Variants in RCOR2 observed in about 807,000 individuals in gnomAD.
The protein encoded by RCOR2 is REST corepressor 2.
A neutral mutation model predicts 58.9 loss-of-function variants in RCOR2; 19 were observed. That is an observed-to-expected ratio of 0.32 (90% confidence interval 0.23 to 0.47). The LOEUF (loss-of-function observed/expected upper bound fraction) is 0.47. Ranked by LOEUF, RCOR2 falls within the 20% of genes least tolerant of loss-of-function variation. The probability of loss-of-function intolerance (pLI) is 1.00; values close to 1 mark genes in which losing one functional copy is unlikely to be tolerated. For synonymous variants in RCOR2, 286 were observed against 278.7 expected, an observed-to-expected ratio of 1.03 and a Z score of -0.26; for missense variants, 590 against 707.9, an observed-to-expected ratio of 0.83 and a Z score of 1.89.
Position 63,916,976 on chromosome 11 carries a change from G to GCGGCGGCGGCGGCGA in RCOR2, c.-521_-520insTCGCCGCCGCCGCCG, listed in dbSNP as rs1565162361. Reference sequence around the variant, plus strand: ...GCAGCCGGCCGGGGCACCGGCGGCGGCGGCGGCGGCGACGGCGGCGGGACG... The same window carrying GCGGCGGCGGCGGCGA: ...GCAGCCGGCCGGGGCACCGGCGGCGGCGGCGGCGGCGGCGACGGCGGCGGCGACGGCGGCGGGACG... On this transcript the variant is annotated 5_prime_UTR_variant, in exon 1 of 12. Coordinates refer to ENST00000301459, the MANE Select transcript of RCOR2 (RefSeq NM_173587.4). 1 of 147,800 alleles carries GCGGCGGCGGCGGCGA rather than the reference G, an allele frequency of 6.8e-6. No individual in the cohort carries two copies. Among genetic ancestry groups the GCGGCGGCGGCGGCGA allele is most frequent in the African/African-American group, 2.4e-5 (1 of 40,922 alleles). 9.2% of individuals were successfully genotyped at this position (147,800 alleles called of 1,614,324 possible).
At position 63,916,475 on chromosome 11, in the gene RCOR2, C is replaced by CG. The variant is rs772951883; in HGVS notation, c.-20dup. On this transcript the variant is annotated 5_prime_UTR_variant, in exon 1 of 12. Coordinates refer to ENST00000301459, the MANE Select transcript of RCOR2 (RefSeq NM_173587.4). ...AGGGCATTACCCCGCCCAGCTGCCC[C>CG]GGGGGGCGCAGGAGCCTTCGGAGAG... The CG allele has an allele frequency of 3.7e-6, 6 of 1,600,790 alleles. No individual in the cohort carries two copies. The highest frequency in any genetic ancestry group is 1.1e-5 in the South Asian group (1 of 89,530).
chr11:63,912,021 C>T lies in RCOR2; in HGVS notation c.1416G>A (p.Gln472=), dbSNP rs1412882671. 1.4e-6 allele frequency: 2 copies of T among 1,453,332 alleles called. No homozygotes were observed. The highest frequency in any genetic ancestry group is 1.8e-6 in the Non-Finnish European group (2 of 1,108,238). 90.0% of individuals were successfully genotyped at this position (1,453,332 alleles called of 1,614,324 possible). A position where few individuals can be genotyped will look rare whatever the true frequency, so the allele number is the denominator to read the frequency against. Residue 472 remains glutamine (Q), a synonymous_variant, in exon 12 of 12, where the codon CAG becomes CAA. Transcript: ENST00000301459. Reference sequence around the variant, plus strand: ...CCAGCCGGGGCTGGAGGAAGCGGCCCTGCTGCAGTGGGGGTGGCTGTCGGA... The same window carrying T: ...CCAGCCGGGGCTGGAGGAAGCGGCCTTGCTGCAGTGGGGGTGGCTGTCGGA... ...TLLRQPPPLQ[Q]GRFLQPRLAP...
In RCOR2 at chr11:63,916,645, A is replaced by C; in HGVS notation, c.-189T>G. The C allele has an allele frequency of 1.0e-6, 1 of 969,206 alleles. No homozygotes were observed. Among genetic ancestry groups the C allele is most frequent in the Non-Finnish European group, 1.5e-6 (1 of 684,078 alleles). 60.0% of individuals were successfully genotyped at this position (969,206 alleles called of 1,614,324 possible). The stretch of plus-strand genomic sequence containing the variant: ...CCTGGTAGCCCCAGCGCTCTCCACG[A>C]CCCCCACGAGCCAGGGCGTCAGAAA... On this transcript the variant is annotated 5_prime_UTR_variant, in exon 1 of 12. Coordinates refer to ENST00000301459, the MANE Select transcript of RCOR2 (RefSeq NM_173587.4).
chr11:63,915,960 T>A (rs1362244668), intron 1 of RCOR2, among the ~76,000 whole-genome samples: 1 of 152,140 alleles, frequency 6.6e-6, no homozygotes, highest in African/African-American at 2.4e-5. Context: ...CAAGGCTCCT[T>A]CCCACCACAG....
rs776847724 is a variant in RCOR2 at position 63,914,559 on chromosome 11, A to G, written c.481-18T>C. 1.2e-6 allele frequency: 2 copies of G among 1,613,412 alleles called. No homozygotes were observed. Among genetic ancestry groups the G allele is most frequent in the East Asian group, 2.2e-5 (1 of 44,880 alleles). ...TCAGGCAGCTGGAGGAGGCAACGCC[A>G]GAAGCTGGGGACCACTCAAGACTCT... is the stretch of plus-strand genomic sequence containing the variant. On this transcript the variant is annotated intron_variant, in intron 5 of 11. Transcript: ENST00000301459.
upstream of RCOR2, among the ~76,000 whole-genome samples, chr11:63,918,460 G>T (rs1941891877): frequency 6.6e-6 from 1 of 152,290 alleles, no homozygotes. Flanking sequence ...CCCAGCCAGC[G>T]GCCACGTTGC....
chr11:63,920,292 C>T (rs939893796), upstream of RCOR2, among the ~76,000 whole-genome samples: 2 of 152,230 alleles, frequency 1.3e-5, no homozygotes, highest in African/African-American at 4.8e-5. Context: ...AAGGTGAGGC[C>T]GAGGGGACAA....
In RCOR2 at chr11:63,915,153, C is replaced by A. The variant is rs751347861; in HGVS notation, c.265+25G>T. On this transcript the variant is annotated intron_variant, in intron 3 of 11. Coordinates refer to ENST00000301459, the MANE Select transcript of RCOR2 (RefSeq NM_173587.4). Reference sequence around the variant, plus strand: ...GAGCTGGGATGAACCCAAGCCCCCACCTCCCAGGGCTGTGCCCCACTCACG... The same window carrying A: ...GAGCTGGGATGAACCCAAGCCCCCAACTCCCAGGGCTGTGCCCCACTCACG... 8 of 1,546,914 alleles carry A rather than the reference C, an allele frequency of 5.2e-6. No individual in the cohort carries two copies. In the African/African-American group the frequency reaches 9.6e-5, roughly 19 times the overall value.
At chr11:63,922,744 C>T in the RCOR2 span, among the ~76,000 whole-genome samples, 1 of 152,216 alleles carries the variant, frequency 6.6e-6, no homozygotes, top group Non-Finnish European at 1.5e-5. Context: ...AAAGGTCTCA[C>T]AGCCCAGTAC....
chr11:63,916,780 C>T lies in RCOR2; in HGVS notation c.-324G>A, dbSNP rs1205966883. The T allele has an allele frequency of 2.3e-5, 6 of 266,274 alleles. No homozygotes were observed. The highest frequency in any genetic ancestry group is 7.1e-6 in the Non-Finnish European group (1 of 140,292). The allele number at this position is 266,274 out of a possible 1,614,324, so 16.5% of individuals were successfully genotyped here. ...TTGGGGTTCCCCTGAAGTCGGGGCC[C>T]CCTGTCCTCGGGGCGCCCTGGAACC... On this transcript the variant is annotated 5_prime_UTR_variant, in exon 1 of 12. Coordinates refer to ENST00000301459, the MANE Select transcript of RCOR2 (RefSeq NM_173587.4).
upstream of RCOR2, among the ~76,000 whole-genome samples, chr11:63,917,455 A>G (rs866201876): frequency 5.9e-5 from 9 of 151,702 alleles, no homozygotes; most frequent in Admixed American, 3.3e-4. Flanking sequence ...CACCAACACC[A>G]CACACCAGTG....
At chr11:63,913,182 A>ATTTTTTT (rs1191861588) in intron 8 of RCOR2, among the ~76,000 whole-genome samples, 1 of 81,694 alleles carries the variant, frequency 1.2e-5, no homozygotes, top group African/African-American at 4.3e-5. Context: ...ATATATATAT[A>ATTTTTTT]TATTTTTTTT....
At chr11:63,925,442 G>C in the RCOR2 span, among the ~76,000 whole-genome samples, 1 of 152,232 alleles carries the variant, frequency 6.6e-6, no homozygotes, top group South Asian at 2.1e-4. Context: ...AAAAGACCAG[G>C]AAGCTGAGCA....
At chr11:63,921,819 G>A (rs546444308), upstream of RCOR2, among the ~76,000 whole-genome samples, 172 of 152,264 alleles carry the variant, frequency 1.1e-3, 1 homozygote, top group African/African-American at 3.8e-3. Flanking sequence ...GCCCCACCTT[G>A]AGCTCCTGGG....
chr11:63,914,742 G>A lies in RCOR2; in HGVS notation c.393C>T (p.Phe131=), dbSNP rs1481150185. The change falls in exon 5 of 12, where the codon TTC becomes TTT. Residue 131 remains phenylalanine (F), a synonymous_variant. Transcript: ENST00000301459. The part of the protein sequence containing the change: ...SLADLANFTP[F]PDEWTVEDKV... ...TGTCCTCTACTGTCCACTCGTCAGG[G>A]AATGGGGTGAAGTTGGCCAGGTCGG... 1.9e-6 allele frequency: 3 copies of A among 1,613,398 alleles called. No homozygotes were observed. The highest frequency in any genetic ancestry group is 1.7e-6 in the Non-Finnish European group (2 of 1,179,740).
chr11:63,920,927 G>A (rs541023562), upstream of RCOR2, among the ~76,000 whole-genome samples: 1 of 152,174 alleles, frequency 6.6e-6, no homozygotes, highest in African/African-American at 2.4e-5. Flanking sequence ...TGAAGAAGCT[G>A]AAAGAGGTGA....
At chr11:63,914,206 G>C (rs752806877) in intron 7 of RCOR2, 37 bp from the exon 8 acceptor site, 3 of 1,613,064 alleles carry the variant, frequency 1.9e-6, no homozygotes, top group South Asian at 2.2e-5. Flanking sequence ...GTGGTGCAGA[G>C]CCAGAGAGAG....
chr11:63,926,678 A>T, the RCOR2 span, among the ~76,000 whole-genome samples: 1 of 149,944 alleles, frequency 6.7e-6, no homozygotes, highest in Non-Finnish European at 1.5e-5. Context: ...TGGAGATGGG[A>T]TTTCATCATC....
Position 63,916,462 on chromosome 11 carries a change from C to G in RCOR2, c.-6G>C. ...TTCTCCATCACTGAGGGCATTACCC[C>G]GCCCAGCTGCCCCGGGGGGCGCAGG... On this transcript the variant is annotated 5_prime_UTR_variant, in exon 1 of 12. Transcript: ENST00000301459. 6.2e-7 allele frequency: 1 copy of G among 1,604,978 alleles called. No individual in the cohort carries two copies.
Sources: gnomAD v4.1 joint callset for allele counts (sites outside exome capture counted in the v4.1 genomes callset) on GRCh38, gnomAD v4.1.1 for gene constraint, MANE v1.5 for transcripts, NCBI Gene and HGNC (gene_info 2026-07-23, HGNC 2026-07-21) for gene names.